The following FAM135B variants were observed in gnomAD, a reference collection of about 807,000 sequenced individuals.
The protein encoded by FAM135B is protein FAM135B.
In FAM135B, 43 loss-of-function variants were observed where a neutral mutation model predicts 127.7. The observed-to-expected ratio is 0.34, with a 90% CI of 0.26 to 0.43. FAM135B has a LOEUF of 0.43. Among genes scored for constraint, FAM135B ranks in the 20% least tolerant of loss-of-function variants. FAM135B has a pLI of 1.00. For synonymous variants in FAM135B, 670 were observed against 665.1 expected (o/e 1.01, Z -0.11); for missense variants, 1,558 against 1,725.6 (o/e 0.90, Z 1.72).
At chr8:138,466,649 G>A (rs1350235678) in intron 1 of FAM135B, among the ~76,000 whole-genome samples, 5 of 152,136 alleles carry the variant, frequency 3.3e-5, no homozygotes, top group Non-Finnish European at 5.9e-5. Flanking sequence ...CTTACAAGAT[G>A]AGCAGTAAGG....
intron 7 of FAM135B, among the ~76,000 whole-genome samples, chr8:138,222,678 G>GTTTTTTTTTTTTTTTT (rs33913656): frequency 9.6e-6 from 1 of 104,052 alleles, no homozygotes. Context: ...TGTTGGTGGT[G>GTTTTTTTTTTTTTTTT]TTTTTTTTTT....
intron 17 of FAM135B, among the ~76,000 whole-genome samples, chr8:138,140,712 C>T (rs1817066916): frequency 6.6e-6 from 1 of 152,136 alleles, no homozygotes; most frequent in Non-Finnish European, 1.5e-5. Flanking sequence ...TGTGTACATG[C>T]TTGTACACAT....
At chr8:138,306,226 G>A (rs903695726) in intron 3 of FAM135B, among the ~76,000 whole-genome samples, 1 of 151,886 alleles carries the variant, frequency 6.6e-6, no homozygotes, top group African/African-American at 2.4e-5. Flanking sequence ...CTTGAGGTCA[G>A]GAGTGCAAGA....
chr8:138,375,867 G>C (rs1341080854), intron 1 of FAM135B, among the ~76,000 whole-genome samples: 1 of 152,162 alleles, frequency 6.6e-6, no homozygotes, highest in Non-Finnish European at 1.5e-5. Context: ...ACAGGGCAAG[G>C]AGATGGCATT....
chr8:138,292,302 G>A lies in FAM135B; in HGVS notation c.157+18539C>T, dbSNP rs559339761. ...ATACATGTAAAGATAGCTCATGTTC[G>A]TGGATTAAAAGAATTAATATTGTTA... is the stretch of plus-strand genomic sequence containing the variant. On this transcript the variant is annotated intron_variant, in intron 3 of 19. Transcript: ENST00000395297. 1.1e-4 allele frequency among the ~76,000 whole-genome samples: 16 copies of A among 152,164 alleles called. 1 individual carries two copies. The highest frequency in any genetic ancestry group is 8.3e-4 in the South Asian group (4 of 4,818).
intron 7 of FAM135B, among the ~76,000 whole-genome samples, chr8:138,211,289 C>T (rs1410332452): frequency 1.3e-5 from 2 of 152,126 alleles, no homozygotes; most frequent in Admixed American, 6.5e-5. Context: ...AATAAATCAT[C>T]GTTTACCTGG....
chr8:138,448,109 C>T (rs1415146953), intron 1 of FAM135B, among the ~76,000 whole-genome samples: 38 of 144,286 alleles, frequency 2.6e-4, no homozygotes, highest in Non-Finnish European at 4.5e-5. Flanking sequence ...AAACAGAGGT[C>T]AGAAAAAAAA....
At chr8:138,405,860 TC>T (rs1173142683) in intron 1 of FAM135B, among the ~76,000 whole-genome samples, 1 of 151,906 alleles carries the variant, frequency 6.6e-6, no homozygotes, top group East Asian at 1.9e-4. Context: ...TTTCTCCACA[TC>T]CTCTCCAGCA....
At chr8:138,491,071 G>A (rs1027630043) in intron 1 of FAM135B, among the ~76,000 whole-genome samples, 7 of 150,894 alleles carry the variant, frequency 4.6e-5, no homozygotes, top group Admixed American at 3.3e-4. Context: ...AACCCAGGAA[G>A]TGGAGGTTGC....
chr8:138,198,430 C>T (rs1816837264), intron 7 of FAM135B, among the ~76,000 whole-genome samples: 1 of 152,118 alleles, frequency 6.6e-6, no homozygotes, highest in South Asian at 2.1e-4. Flanking sequence ...CTATAGAGGC[C>T]ATGGGACAGG....
At chr8:138,344,610 C>G (rs1318211045) in intron 2 of FAM135B, among the ~76,000 whole-genome samples, 1 of 135,298 alleles carries the variant, frequency 7.4e-6, no homozygotes, top group African/African-American at 2.8e-5. Context: ...GAGTCTCGCT[C>G]TGTCGCCCAG....
intron 2 of FAM135B, among the ~76,000 whole-genome samples, chr8:138,315,485 C>T (rs765232535): frequency 2.5e-4 from 38 of 152,022 alleles, no homozygotes; most frequent in Admixed American, 7.9e-4. Context: ...ACCAACAGGA[C>T]GTCAAAGTCA....
rs1312615014 is a variant in FAM135B, at chr8:138,148,574, C to A, written c.3394G>T (p.Glu1132Ter). 1 of 1,613,988 alleles carries A rather than the reference C, an allele frequency of 6.2e-7. No individual in the cohort carries two copies. Among genetic ancestry groups the A allele is most frequent in the South Asian group, 1.1e-5 (1 of 91,064 alleles). ...DIPYFPPEEE[E>*]ENLEDGIHLV... ...TGAATTCCATCTTCCAAATTTTCTT[C>A]CTCTTCCTCTGGTGGGAAATATGGT... Residue 1132 changes from glutamate (E) to a stop codon, truncating the protein, a stop_gained, in exon 14 of 20, where the codon GAA (glutamate) becomes TAA (stop). Coordinates refer to ENST00000395297, the MANE Select transcript of FAM135B (RefSeq NM_015912.4). LOFTEE classifies it high-confidence loss of function.
intron 1 of FAM135B, among the ~76,000 whole-genome samples, chr8:138,401,586 T>C (rs1833157945): frequency 6.6e-6 from 1 of 152,190 alleles, no homozygotes; most frequent in South Asian, 2.1e-4. Flanking sequence ...GACAATCTCA[T>C]ATCTATTTTC....
chr8:138,150,157 G>C (rs1366989364), intron 13 of FAM135B, among the ~76,000 whole-genome samples: 1 of 152,120 alleles, frequency 6.6e-6, no homozygotes, highest in Non-Finnish European at 1.5e-5. Context: ...TTATAGATGG[G>C]AGAGCAATAT....
chr8:138,312,536 A>C (rs1244928717), intron 2 of FAM135B, among the ~76,000 whole-genome samples: 1 of 152,164 alleles, frequency 6.6e-6, no homozygotes, highest in Non-Finnish European at 1.5e-5. Context: ...CACCAACAAG[A>C]AAATTATACA....
At chr8:138,163,574 T>C (rs181436518) in intron 12 of FAM135B, among the ~76,000 whole-genome samples, 15 of 152,268 alleles carry the variant, frequency 9.9e-5, no homozygotes, top group African/African-American at 3.6e-4. Flanking sequence ...CTGATGGTTT[T>C]ATAAAGGGAA....
At chr8:138,276,466 C>A (rs1435501650) in intron 3 of FAM135B, among the ~76,000 whole-genome samples, 1 of 152,158 alleles carries the variant, frequency 6.6e-6, no homozygotes, top group Admixed American at 6.5e-5. Context: ...AGAGTCACTG[C>A]TGATTAGGGG....
chr8:138,255,834 T>C (rs977863035), intron 5 of FAM135B, among the ~76,000 whole-genome samples: 6 of 152,142 alleles, frequency 3.9e-5, no homozygotes, highest in African/African-American at 1.4e-4. Flanking sequence ...CAATCGCACT[T>C]ACAACTGAAC....
Sources: gnomAD v4.1 joint callset for allele counts (sites outside exome capture counted in the v4.1 genomes callset) on GRCh38, gnomAD v4.1.1 for gene constraint, MANE v1.5 for transcripts, NCBI Gene and HGNC (gene_info 2026-07-23, HGNC 2026-07-21) for gene names.